LINGO2: variants seen among roughly 807,000 people sequenced by gnomAD.
LINGO2 encodes the protein leucine rich repeat and Ig domain containing 2.
Under a neutral mutation model 30.6 loss-of-function variants are expected in LINGO2, and 14 were observed. That is an observed-to-expected ratio of 0.46 (90% CI 0.30 to 0.72). LINGO2 has a LOEUF of 0.72. LINGO2 is among the 30% of genes least tolerant of loss of function. LINGO2 has a pLI of 0.07. For missense variants in LINGO2, 729 were observed against 751.7 expected, an observed-to-expected ratio of 0.97 and a Z score of 0.35; for synonymous variants, 317 against 288.5, an observed-to-expected ratio of 1.10 and a Z score of -1.00.
At chr9:28,901,501 C>T in the LINGO2 span, among the ~76,000 whole-genome samples, 5 of 151,140 alleles carry the variant, frequency 3.3e-5, no homozygotes, top group African/African-American at 9.7e-5. Flanking sequence ...ATAATAGGCG[C>T]AATTATTTGT....
intron 4 of LINGO2, among the ~76,000 whole-genome samples, chr9:28,028,203 A>T (rs1823477823): frequency 6.6e-6 from 1 of 152,196 alleles, no homozygotes; most frequent in African/African-American, 2.4e-5. Flanking sequence ...TATATAGAAA[A>T]CATACCAAAG....
chr9:28,018,115 A>G (rs1587699710), intron 4 of LINGO2, among the ~76,000 whole-genome samples: 1 of 152,104 alleles, frequency 6.6e-6, no homozygotes, highest in African/African-American at 2.4e-5. Flanking sequence ...GGAAAGGGAT[A>G]CCTAGTCAAT....
At chr9:28,507,983 T>C (rs1820222563) in intron 1 of LINGO2, among the ~76,000 whole-genome samples, 1 of 152,060 alleles carries the variant, frequency 6.6e-6, no homozygotes, top group Admixed American at 6.6e-5. Flanking sequence ...TTGTCATATT[T>C]GGAAAGAAAA....
At chr9:28,661,040 A>G (rs769573454) in intron 1 of LINGO2, among the ~76,000 whole-genome samples, 7 of 152,120 alleles carry the variant, frequency 4.6e-5, no homozygotes, top group Non-Finnish European at 5.9e-5. Context: ...CACTGCCTTT[A>G]TAGTGTGACC....
chr9:28,327,203 C>T (rs1248187298), intron 3 of LINGO2, among the ~76,000 whole-genome samples: 4 of 152,114 alleles, frequency 2.6e-5, no homozygotes, highest in Non-Finnish European at 5.9e-5. Flanking sequence ...TTTTGGACTT[C>T]CCAGCTTCAA....
intron 4 of LINGO2, among the ~76,000 whole-genome samples, chr9:28,278,893 C>T (rs1209604864): frequency 6.6e-6 from 1 of 150,440 alleles, no homozygotes; most frequent in Non-Finnish European, 1.5e-5. Context: ...AAATTGAAAA[C>T]CTCCTGGAAA....
At chr9:28,637,776 A>C (rs1003371483) in intron 1 of LINGO2, among the ~76,000 whole-genome samples, 35 of 152,166 alleles carry the variant, frequency 2.3e-4, no homozygotes, top group Non-Finnish European at 1.2e-4. Context: ...AACAGGGACA[A>C]TTTGACTTCC....
chr9:28,171,311 G>C (rs1828575311), intron 4 of LINGO2, among the ~76,000 whole-genome samples: 1 of 152,120 alleles, frequency 6.6e-6, no homozygotes, highest in African/African-American at 2.4e-5. Context: ...GAGTATTAGG[G>C]TACCCTTCAT....
intron 4 of LINGO2, among the ~76,000 whole-genome samples, chr9:28,057,971 T>A (rs576995469): frequency 1.3e-5 from 2 of 152,272 alleles, no homozygotes; most frequent in South Asian, 4.1e-4. Context: ...TTCTTTTATA[T>A]ACTATTCTCT....
At position 28,162,823 on chromosome 9, in the gene LINGO2, C is replaced by G. The variant is rs189360673; in HGVS notation, c.-87+132385G>C. 4.6e-5 allele frequency among the ~76,000 whole-genome samples: 7 copies of G among 151,960 alleles called. No individual in the cohort carries two copies. The East Asian group carries it at 1.2e-3, about 25-fold the overall frequency. ...ACTTGGACATGATTGTTCATGTATG[C>G]CAGTGCAACAAAAACATGGTATAGC... On this transcript the variant is annotated intron_variant, in intron 4 of 5. Transcript: ENST00000379992.
intron 4 of LINGO2, among the ~76,000 whole-genome samples, chr9:28,033,513 A>G (rs941398688): frequency 5.9e-5 from 9 of 152,208 alleles, no homozygotes; most frequent in African/African-American, 2.2e-4. Context: ...CTAGGAGAAT[A>G]AACTGCCACG....
intron 4 of LINGO2, among the ~76,000 whole-genome samples, chr9:28,067,375 C>T (rs901733386): frequency 2.6e-5 from 4 of 152,008 alleles, no homozygotes; most frequent in South Asian, 2.1e-4. Flanking sequence ...ATTACCCTTT[C>T]GGAATTGAAT....
At chr9:28,633,547 T>C (rs1385267239) in intron 1 of LINGO2, among the ~76,000 whole-genome samples, 1 of 152,228 alleles carries the variant, frequency 6.6e-6, no homozygotes, top group Non-Finnish European at 1.5e-5. Flanking sequence ...TGCACTTAAA[T>C]AATTTATGTG....
At chr9:28,919,959 A>C in the LINGO2 span, among the ~76,000 whole-genome samples, 1 of 152,152 alleles carries the variant, frequency 6.6e-6, no homozygotes, top group African/African-American at 2.4e-5. Context: ...TATACTTTAT[A>C]TGAGATCAGT....
chr9:28,728,813 A>T, the LINGO2 span, among the ~76,000 whole-genome samples: 1 of 152,198 alleles, frequency 6.6e-6, no homozygotes, highest in African/African-American at 2.4e-5. Flanking sequence ...AAATATTCAA[A>T]TATATAATAT....
chr9:28,054,355 A>G (rs1284171821), intron 4 of LINGO2, among the ~76,000 whole-genome samples: 2 of 152,072 alleles, frequency 1.3e-5, no homozygotes, highest in Admixed American at 6.6e-5. Flanking sequence ...TAACACTTTT[A>G]CTTAGATGCT....
chr9:29,074,519 A>G, the LINGO2 span, among the ~76,000 whole-genome samples: 1 of 152,132 alleles, frequency 6.6e-6, no homozygotes, highest in Non-Finnish European at 1.5e-5. Context: ...TCTCATCAAT[A>G]GTCCAGCTAA....
At chr9:27,955,204 T>C (rs1214407143) in intron 5 of LINGO2, among the ~76,000 whole-genome samples, 1 of 152,204 alleles carries the variant, frequency 6.6e-6, no homozygotes, top group Non-Finnish European at 1.5e-5. Context: ...GAATAATTCA[T>C]AGAAAATTAT....
At chr9:29,192,898 T>C in the LINGO2 span, among the ~76,000 whole-genome samples, 2 of 152,200 alleles carry the variant, frequency 1.3e-5, no homozygotes, top group Non-Finnish European at 2.9e-5. Context: ...CTGCTCCACT[T>C]GTCAAACTAT....
Sources: allele counts gnomAD v4.1 joint callset (sites outside exome capture counted in the v4.1 genomes callset), GRCh38; gene constraint gnomAD v4.1.1; transcripts MANE v1.5; gene names NCBI Gene and HGNC (gene_info 2026-07-23, HGNC 2026-07-21).